The following SCML2 variants were observed in gnomAD, a reference collection of about 807,000 sequenced individuals.
The protein encoded by SCML2 is Scm polycomb group protein like 2, also known as sex comb on midleg-like protein 2.
SCML2 carries 6 observed loss-of-function variants against 48.4 expected under a neutral mutation model. The ratio of observed to expected loss-of-function variants is 0.12; its 90% CI spans 0.07 to 0.24. The LOEUF is 0.24. SCML2 is among the 10% of genes least tolerant of loss of function. SCML2 has a pLI of 1.00. For missense variants in SCML2, 377 were observed against 528.2 expected (o/e 0.71, Z 2.81); for synonymous variants, 181 against 189.5 (o/e 0.95, Z 0.37).
chrX:18,301,936 CTT>C (rs1928605083), intron 7 of SCML2, among the ~76,000 whole-genome samples: 2 of 111,425 alleles, frequency 1.8e-5, no homozygotes, highest in African/African-American at 3.3e-5. Context: ...CTTTCCTTCT[CTT>C]GAGTTTTCTA....
chrX:18,248,175 C>G (rs1226843889), intron 11 of SCML2, among the ~76,000 whole-genome samples: 1 of 111,791 alleles, frequency 8.9e-6, no homozygotes, highest in Non-Finnish European at 1.9e-5. Flanking sequence ...GTGAGGCAAC[C>G]CATTAAAATG....
rs769155013 is a variant in SCML2 at position 18,324,990 on chromosome X, CAT to C, written c.92-15_92-14del. The C allele has an allele frequency of 3.5e-6, 4 of 1,148,276 alleles. No homozygotes were observed. Among genetic ancestry groups the C allele is most frequent in the Middle Eastern group, 2.4e-4 (1 of 4,214 alleles). 94.6% of individuals were successfully genotyped at this position (1,148,276 alleles called of 1,213,427 possible). On this transcript the variant is annotated splice_polypyrimidine_tract_variant and intron_variant, in intron 3 of 14. Coordinates refer to ENST00000251900, the MANE Select transcript of SCML2 (RefSeq NM_006089.3). The stretch of plus-strand genomic sequence containing the variant: ...CAGTGGAAATCATCTGGAAAAAACA[CAT>C]GTGCAAAATAGTTTCTTAAAGCATA...
At chrX:18,333,284 A>G (rs1929710973) in intron 2 of SCML2, among the ~76,000 whole-genome samples, 1 of 111,002 alleles carries the variant, frequency 9.0e-6, no homozygotes, top group Non-Finnish European at 1.9e-5. Flanking sequence ...CTCAAAAAAA[A>G]ATAAAAATAA....
At chrX:18,281,646 A>T (rs939768737) in intron 7 of SCML2, among the ~76,000 whole-genome samples, 2 of 98,785 alleles carry the variant, frequency 2.0e-5, no homozygotes, top group African/African-American at 7.5e-5. Flanking sequence ...TGGGAGGCGG[A>T]GGTTGCAGTG....
chrX:18,314,287 T>A (rs1464997113), intron 6 of SCML2, among the ~76,000 whole-genome samples: 1 of 111,245 alleles, frequency 9.0e-6, no homozygotes, highest in East Asian at 2.8e-4. Context: ...CTTATTCTAG[T>A]TTTCCTCCTC....
intron 5 of SCML2, among the ~76,000 whole-genome samples, chrX:18,321,641 T>C (rs1406643120): frequency 4.7e-5 from 5 of 107,324 alleles, no homozygotes. Context: ...GGAGATTTGT[T>C]ACATACTCCC....
At chrX:18,298,567 T>C (rs1295335805) in intron 7 of SCML2, among the ~76,000 whole-genome samples, 6 of 111,855 alleles carry the variant, frequency 5.4e-5, no homozygotes, top group Non-Finnish European at 1.1e-4. Context: ...TGTAAAAGAA[T>C]GAAACTAGGC....
rs1313158185 is a variant in SCML2, at chrX:18,240,897, G to C, written c.*354C>G. The C allele has an allele frequency of 8.8e-6, 1 of 113,511 alleles. No individual in the cohort carries two copies. Among genetic ancestry groups the C allele is most frequent in the Non-Finnish European group, 1.9e-5 (1 of 53,860 alleles). 9.4% of individuals were successfully genotyped at this position (113,511 alleles called of 1,213,427 possible). A position where few individuals can be genotyped will look rare whatever the true frequency, so the allele number is the denominator to read the frequency against. ...TAGCTGTTTTGGTTCTAGATATAAA[G>C]GTTAACCAAAATCAAAGGTTTTTCT... On this transcript the variant is annotated 3_prime_UTR_variant, in exon 15 of 15. Coordinates refer to ENST00000251900, the MANE Select transcript of SCML2 (RefSeq NM_006089.3).
chrX:18,346,249 T>G (rs1032192594), intron 1 of SCML2, among the ~76,000 whole-genome samples: 2 of 111,111 alleles, frequency 1.8e-5, no homozygotes, highest in South Asian at 3.8e-4. Flanking sequence ...CTTTTTTTTT[T>G]ACTCTGAATT....
intron 5 of SCML2, among the ~76,000 whole-genome samples, chrX:18,323,448 C>T (rs763698224): frequency 1.3e-4 from 15 of 111,785 alleles, no homozygotes; most frequent in Non-Finnish European, 2.3e-4. Flanking sequence ...TGGAATCATA[C>T]CCTTCCCCTA....
intron 1 of SCML2, among the ~76,000 whole-genome samples, chrX:18,342,035 T>G (rs73636680): frequency 1.8e-5 from 2 of 111,910 alleles, no homozygotes; most frequent in Non-Finnish European, 3.8e-5. Flanking sequence ...CAGCTCTTTC[T>G]GGGAAAAATT....
rs745937223 is a variant in SCML2, at chrX:18,241,356, G to A, written c.1998C>T (p.Phe666=). The A allele has an allele frequency of 1.7e-6, 2 of 1,162,104 alleles. No individual in the cohort carries two copies. Among genetic ancestry groups the A allele is most frequent in the African/African-American group, 3.6e-5 (2 of 55,901 alleles). The change falls in exon 15 of 15, where the codon TTC becomes TTT. Residue 666 remains phenylalanine, a synonymous_variant. Coordinates refer to ENST00000251900, the MANE Select transcript of SCML2 (RefSeq NM_006089.3). ...TCATCATCACATCACTCTTGAGTAG[G>A]AACAGAGCCTTCCCATCAATTTCCT... ...RQHEIDGKAL[F]LLKSDVMMKY...
chrX:18,299,955 G>A (rs1430180394), intron 7 of SCML2, among the ~76,000 whole-genome samples: 1 of 110,032 alleles, frequency 9.1e-6, no homozygotes, highest in Non-Finnish European at 1.9e-5. Flanking sequence ...GCCCAGGCTG[G>A]TCTCAAACTC....
At chrX:18,330,941 C>T (rs1444660347) in intron 2 of SCML2, among the ~76,000 whole-genome samples, 7 of 110,506 alleles carry the variant, frequency 6.3e-5, no homozygotes, top group Non-Finnish European at 1.1e-4. Context: ...GACCTGGCAT[C>T]GCAACACTCT....
intron 6 of SCML2, among the ~76,000 whole-genome samples, chrX:18,307,042 G>C (rs981646695): frequency 2.7e-5 from 3 of 110,899 alleles, no homozygotes; most frequent in African/African-American, 9.9e-5. Flanking sequence ...CAGCACTTTG[G>C]GAGGCCAAGG....
chrX:18,247,751 G>A lies in SCML2; in HGVS notation c.1570+18C>T. ...GAAACATTTCTTCCCAGTCCTGGGA[G>A]GTGTAAATGCTATTTACCTTCAGAC... On this transcript the variant is annotated intron_variant, in intron 12 of 14. Transcript: ENST00000251900. 9.5e-7 allele frequency: 1 copy of A among 1,054,174 alleles called. No homozygotes were observed. The highest frequency in any genetic ancestry group is 1.3e-6 in the Non-Finnish European group (1 of 753,377). 86.9% of individuals were successfully genotyped at this position (1,054,174 alleles called of 1,213,427 possible).
At chrX:18,278,986 G>A (rs1424918629) in intron 7 of SCML2, among the ~76,000 whole-genome samples, 1 of 112,676 alleles carries the variant, frequency 8.9e-6, no homozygotes, top group Admixed American at 9.3e-5. Flanking sequence ...TCCAGAAGGG[G>A]TGTGGTGTAT....
chrX:18,286,376 A>T (rs1193570615), intron 7 of SCML2, among the ~76,000 whole-genome samples: 1 of 111,879 alleles, frequency 8.9e-6, no homozygotes, highest in Non-Finnish European at 1.9e-5. Context: ...TAACATTAGA[A>T]ATACCCACGC....
At chrX:18,255,510 T>C (rs986113964) in intron 11 of SCML2, among the ~76,000 whole-genome samples, 2 of 112,353 alleles carry the variant, frequency 1.8e-5, no homozygotes, top group Non-Finnish European at 3.8e-5. Context: ...ATCATACCTT[T>C]ATTTCAAAGG....
Sources: gnomAD v4.1 joint callset for allele counts (sites outside exome capture counted in the v4.1 genomes callset) on GRCh38, gnomAD v4.1.1 for gene constraint, MANE v1.5 for transcripts, NCBI Gene and HGNC (gene_info 2026-07-23, HGNC 2026-07-21) for gene names.